Variants in ZNF576 observed in about 807,000 individuals in gnomAD.
ZNF576 encodes zinc finger protein 576.
A neutral mutation model predicts 10.8 loss-of-function variants in ZNF576; 9 were observed. The observed-to-expected ratio is 0.84, with a 90% CI of 0.50 to 1.46. The LOEUF (loss-of-function observed/expected upper bound fraction) is 1.46, where lower values mean the gene tolerates loss of function less well. Among genes scored for constraint, ZNF576 ranks in the 40% most tolerant of loss-of-function variants. The pLI, the probability that ZNF576 is intolerant of heterozygous loss-of-function variation, is 0.00. For missense variants in ZNF576, 191 were observed against 233.7 expected (o/e 0.82, Z 1.19); for synonymous variants, 88 against 89.6 (o/e 0.98, Z 0.10).
chr19:43,596,999 G>A, intron 1 of ZNF576, 95 bp from the exon 2 acceptor site: 1 of 957,648 alleles, frequency 1.0e-6, no homozygotes, highest in Non-Finnish European at 1.7e-6. Context: ...GGCAAGGAGA[G>A]CCTCTGGCGA....
In ZNF576 at chr19:43,599,056, C is replaced by T. The variant is rs771986316; in HGVS notation, c.311C>T (p.Ala104Val). 6.2e-7 allele frequency: 1 copy of T among 1,614,214 alleles called. No individual in the cohort carries two copies. The highest frequency in any genetic ancestry group is 2.2e-5 in the East Asian group (1 of 44,884). ...GPAAKPTLPV[A>V]TTTAQPTFPC... is the part of the protein sequence containing the mutation. ...GCCGCCAAGCCCACCCTGCCGGTTG[C>T]AACCACTACTGCCCAGCCCACCTTC... The change falls in exon 3 of 3, where the codon GCA becomes GTA. Residue 104 changes from alanine (A) to valine (V), a missense_variant. By Grantham distance (64) the Ala-to-Val change is moderately conservative. Coordinates refer to ENST00000336564, the MANE Select transcript of ZNF576 (RefSeq NM_001145347.2).
Position 43,597,502 on chromosome 19 carries a change from A to G in ZNF576, c.85+309A>G, listed in dbSNP as rs1600079913. On this transcript the variant is annotated intron_variant, in intron 2 of 2. Coordinates refer to ENST00000336564, the MANE Select transcript of ZNF576 (RefSeq NM_001145347.2). ...TGGTTCTATTGGGAGAGAAACCCCA[A>G]GATTCTGGTCCCAACTCTGCCCTAG... 3 of 275,804 alleles carry G rather than the reference A, an allele frequency of 1.1e-5. No homozygotes were observed. The East Asian group carries it at 2.6e-4, about 24-fold the overall frequency. The allele number at this position is 275,804 out of a possible 1,614,324, so 17.1% of individuals were successfully genotyped here. A position where few individuals can be genotyped will look rare whatever the true frequency, so the allele number is the denominator to read the frequency against.
chr19:43,599,306 G>A lies in ZNF576; in HGVS notation c.*48G>A. 6.4e-7 allele frequency: 1 copy of A among 1,564,308 alleles called. No homozygotes were observed. The highest frequency in any genetic ancestry group is 1.8e-5 in the Admixed American group (1 of 56,444). The stretch of plus-strand genomic sequence containing the variant: ...GTGACGGGTGGCTCTGTGGCTGGTA[G>A]GACTCACCCATGATATGGGGTGCAG... On this transcript the variant is annotated 3_prime_UTR_variant, in exon 3 of 3. Coordinates refer to ENST00000336564, the MANE Select transcript of ZNF576 (RefSeq NM_001145347.2).
In ZNF576 at chr19:43,599,369, T is replaced by A; in HGVS notation, c.*111T>A. ...CCCTGAAGGATTTGCTTCCCTCCCC[T>A]GGGAAGGCAGAGGGCTCTTAATAAA... On this transcript the variant is annotated 3_prime_UTR_variant, in exon 3 of 3. Coordinates refer to ENST00000336564, the MANE Select transcript of ZNF576 (RefSeq NM_001145347.2). 8.7e-7 allele frequency: 1 copy of A among 1,152,382 alleles called. No individual in the cohort carries two copies. The highest frequency in any genetic ancestry group is 1.2e-6 in the Non-Finnish European group (1 of 830,216). The allele number at this position is 1,152,382 out of a possible 1,614,324, so 71.4% of individuals were successfully genotyped here.
rs1022298874 is a variant in ZNF576 at position 43,599,303 on chromosome 19, G to A, written c.*45G>A. ...ACGGTGACGGGTGGCTCTGTGGCTG[G>A]TAGGACTCACCCATGATATGGGGTG... On this transcript the variant is annotated 3_prime_UTR_variant, in exon 3 of 3. Transcript: ENST00000336564. The A allele has an allele frequency of 2.5e-6, 4 of 1,570,800 alleles. No homozygotes were observed. The East Asian group carries it at 9.1e-5, about 36-fold the overall frequency.
At position 43,599,779 on chromosome 19, in the gene ZNF576, T is replaced by TG. The variant is rs1451235666; in HGVS notation, c.*523dup. The TG allele has an allele frequency of 6.5e-6, 1 of 153,824 alleles. No individual in the cohort carries two copies. Among genetic ancestry groups the TG allele is most frequent in the Non-Finnish European group, 1.4e-5 (1 of 69,256 alleles). 9.5% of individuals were successfully genotyped at this position (153,824 alleles called of 1,614,324 possible). ...ACCCCAATTGAGTGGGGGTAGCAATTGGAGTCCTTGTGTCTCTTTTCCACC... is the reference window on the plus strand; with the variant it reads ...ACCCCAATTGAGTGGGGGTAGCAATTGGGAGTCCTTGTGTCTCTTTTCCACC... On this transcript the variant is annotated 3_prime_UTR_variant, in exon 3 of 3. Transcript: ENST00000336564.
intron 2 of ZNF576, 51 bp downstream of exon 2, chr19:43,597,244 T>C: frequency 1.3e-6 from 2 of 1,539,136 alleles, no homozygotes; most frequent in African/African-American, 2.7e-5. Flanking sequence ...CAGGAGCTGA[T>C]GCTAAGATCT....
In ZNF576 at chr19:43,598,993, C is replaced by G. The variant is rs773337416; in HGVS notation, c.248C>G (p.Ser83Cys). 1 of 1,614,224 alleles carries G rather than the reference C, an allele frequency of 6.2e-7. No homozygotes were observed. The highest frequency in any genetic ancestry group is 2.2e-5 in the East Asian group (1 of 44,886). ...ACCTGCGCCCGCTCCTTCCCCTCCT[C>G]CAAAGCCCTAATCACCCACCAGCGC... ...CFTCARSFPS[S>C]KALITHQRSH... The change falls in exon 3 of 3, where the codon TCC (serine) becomes TGC (cysteine). Residue 83 changes from serine (S) to cysteine (C), a missense_variant. Coordinates refer to ENST00000336564, the MANE Select transcript of ZNF576 (RefSeq NM_001145347.2).
intron 2 of ZNF576, chr19:43,597,574 G>A (rs560860563): frequency 1.5e-5 from 3 of 201,938 alleles, no homozygotes; most frequent in Non-Finnish European, 2.1e-5. Context: ...GTCAAAAGAG[G>A]GTGGTACTTC....
Position 43,599,241 on chromosome 19 carries a change from G to A in ZNF576, c.496G>A (p.Ala166Thr), listed in dbSNP as rs762477337. The A allele has an allele frequency of 6.2e-7, 1 of 1,613,460 alleles. No individual in the cohort carries two copies. The highest frequency in any genetic ancestry group is 8.5e-7 in the Non-Finnish European group (1 of 1,179,506). ...AGLHQHYIRH[A>T]RGEL is the part of the protein sequence containing the mutation. Reference sequence around the variant, plus strand: ...GCTGCATCAACACTACATTCGGCATGCCCGGGGGGAGCTCTGAGTGCAGCT... The same window carrying A: ...GCTGCATCAACACTACATTCGGCATACCCGGGGGGAGCTCTGAGTGCAGCT... The change falls in exon 3 of 3, where the codon GCC (alanine) becomes ACC (threonine). Residue 166 changes from alanine (A) to threonine (T), a missense_variant. Coordinates refer to ENST00000336564, the MANE Select transcript of ZNF576 (RefSeq NM_001145347.2).
intron 2 of ZNF576, 40 bp downstream of exon 2, chr19:43,597,233 G>A: frequency 6.3e-7 from 1 of 1,579,180 alleles, no homozygotes; most frequent in Middle Eastern, 1.7e-4. Flanking sequence ...AGGGTGGGGT[G>A]CAGGAGCTGA....
chr19:43,600,956 CAG>C lies in ZNF576; in HGVS notation c.*1701_*1702del, dbSNP rs371374838. The C allele has an allele frequency of 2.4e-3, 372 of 152,316 alleles. 3 individuals are homozygous for C. Among genetic ancestry groups the C allele is most frequent in the African/African-American group, 8.4e-3 (349 of 41,566 alleles). The allele number at this position is 152,316 out of a possible 1,614,324, so 9.4% of individuals were successfully genotyped here. A position where few individuals can be genotyped will look rare whatever the true frequency, so the allele number is the denominator to read the frequency against. The stretch of plus-strand genomic sequence containing the variant: ...AGGATAAGAGCAACACGTGGGAAGA[CAG>C]AGCAACAAGATAGGAGCCTGGGTCT... On this transcript the variant is annotated 3_prime_UTR_variant, in exon 3 of 3. Coordinates refer to ENST00000336564, the MANE Select transcript of ZNF576 (RefSeq NM_001145347.2).
rs1353419750 is a variant in ZNF576 at position 43,600,972 on chromosome 19, G to A, written c.*1714G>A. 6.6e-6 allele frequency: 1 copy of A among 152,170 alleles called. No homozygotes were observed. The highest frequency in any genetic ancestry group is 1.5e-5 in the Non-Finnish European group (1 of 68,042). 9.4% of individuals were successfully genotyped at this position (152,170 alleles called of 1,614,324 possible). On this transcript the variant is annotated 3_prime_UTR_variant, in exon 3 of 3. Transcript: ENST00000336564. ...GTGGGAAGACAGAGCAACAAGATAG[G>A]AGCCTGGGTCTCTCGTCAATTTCAA...
rs763666845 is a variant in ZNF576, at chr19:43,599,024, C to T, written c.279C>T (p.His93=). The part of the protein sequence containing the change: ...SKALITHQRS[H]GPAAKPTLPV... Reference sequence around the variant, plus strand: ...CCCTAATCACCCACCAGCGCAGCCACGGTCCAGCCGCCAAGCCCACCCTGC... The same window carrying T: ...CCCTAATCACCCACCAGCGCAGCCATGGTCCAGCCGCCAAGCCCACCCTGC... The change falls in exon 3 of 3, where the codon CAC becomes CAT. Residue 93 remains histidine (H), a synonymous_variant. Transcript: ENST00000336564. 1.1e-5 allele frequency: 18 copies of T among 1,614,104 alleles called. 1 individual carries two copies. The East Asian group carries it at 2.2e-4, about 20-fold the overall frequency.
intron 2 of ZNF576, among the ~76,000 whole-genome samples, chr19:43,598,600 T>C (rs1973174719): frequency 6.6e-6 from 1 of 152,166 alleles, no homozygotes; most frequent in South Asian, 2.1e-4. Context: ...GGCTCCACCA[T>C]TTCCTTTCCT....
chr19:43,598,263 G>A (rs1973171568), intron 2 of ZNF576, among the ~76,000 whole-genome samples: 1 of 152,158 alleles, frequency 6.6e-6, no homozygotes, highest in African/African-American at 2.4e-5. Context: ...GCGTGGCCTT[G>A]TCTGTCCTTG....
Position 43,599,911 on chromosome 19 carries a change from T to A in ZNF576, c.*653T>A, listed in dbSNP as rs1460843869. 1.3e-5 allele frequency: 2 copies of A among 152,242 alleles called. No individual in the cohort carries two copies. The highest frequency in any genetic ancestry group is 6.5e-5 in the Admixed American group (1 of 15,284). 9.4% of individuals were successfully genotyped at this position (152,242 alleles called of 1,614,324 possible). ...GTATATCATTCTAGTCCTGAAATAT[T>A]TTTTTCATATGTGTAGGTGAAATGG... On this transcript the variant is annotated 3_prime_UTR_variant, in exon 3 of 3. Coordinates refer to ENST00000336564, the MANE Select transcript of ZNF576 (RefSeq NM_001145347.2).
chr19:43,598,002 T>C (rs940954306), intron 2 of ZNF576, among the ~76,000 whole-genome samples: 1 of 152,042 alleles, frequency 6.6e-6, no homozygotes, highest in Non-Finnish European at 1.5e-5. Context: ...TCAAGCAAAA[T>C]TGTTTTGCTC....
chr19:43,596,875 T>C (rs1019479390), intron 1 of ZNF576, 132 bp downstream of exon 1: 5 of 497,358 alleles, frequency 1.0e-5, no homozygotes, highest in African/African-American at 1.9e-5. Flanking sequence ...GAGAAGACTC[T>C]AGGGGAGTCC....
Sources: allele counts gnomAD v4.1 joint callset (sites outside exome capture counted in the v4.1 genomes callset), GRCh38; gene constraint gnomAD v4.1.1; transcripts MANE v1.5; gene names NCBI Gene and HGNC (gene_info 2026-07-23, HGNC 2026-07-21).